NCKAP1: variants seen among roughly 807,000 people sequenced by gnomAD.
NCKAP1 encodes NCK associated protein 1.
NCKAP1 carries 21 observed loss-of-function variants against 151.2 expected under a neutral mutation model. That is an observed-to-expected ratio of 0.14 (90% CI 0.10 to 0.20). The LOEUF is 0.20. NCKAP1 is among the 10% of genes least tolerant of loss of function. NCKAP1 has a pLI of 1.00. For synonymous variants in NCKAP1, 484 were observed against 451.8 expected, an observed-to-expected ratio of 1.07 and a Z score of -0.90; for missense variants, 933 against 1,352.1, an observed-to-expected ratio of 0.69 and a Z score of 4.86.
intron 23 of NCKAP1, among the ~76,000 whole-genome samples, chr2:182,948,809 C>G (rs1286206888): frequency 6.6e-6 from 1 of 152,116 alleles, no homozygotes; most frequent in Non-Finnish European, 1.5e-5. Flanking sequence ...GCATAGCTAC[C>G]AAATGTGTTC....
At chr2:182,980,629 T>A (rs562074609) in intron 13 of NCKAP1, among the ~76,000 whole-genome samples, 55 of 152,112 alleles carry the variant, frequency 3.6e-4, no homozygotes, top group Non-Finnish European at 6.0e-4. Flanking sequence ...TAAAAACCAA[T>A]TAAGGAAAAA....
intron 3 of NCKAP1, 92 bp from the exon 4 acceptor site, chr2:183,003,122 T>C: frequency 7.6e-7 from 1 of 1,319,090 alleles, no homozygotes; most frequent in East Asian, 2.5e-5. Context: ...TAAACTTCAG[T>C]TCTGGAAGAA....
chr2:183,002,909 C>T (rs1698400832), intron 4 of NCKAP1, 65 bp downstream of exon 4: 1 of 1,185,102 alleles, frequency 8.4e-7, no homozygotes, highest in Non-Finnish European at 1.2e-6. Flanking sequence ...TAAAGAAAAG[C>T]AAGTGGTCCC....
Position 182,935,531 on chromosome 2 carries a change from G to A in NCKAP1, c.2696-156C>T, listed in dbSNP as rs183149358. On this transcript the variant is annotated intron_variant, in intron 24 of 30. Coordinates refer to ENST00000361354, the MANE Select transcript of NCKAP1 (RefSeq NM_013436.5). ...TTGATTACAATAATGATTAAAGAGA[G>A]AAAGATGTTGATAGCTGATATTTAA... The A allele has an allele frequency of 1.0e-4, 50 of 500,840 alleles. 1 individual carries two copies. In the Middle Eastern group the frequency reaches 2.6e-3, roughly 26 times the overall value. The allele number at this position is 500,840 out of a possible 1,614,324, so 31.0% of individuals were successfully genotyped here.
chr2:183,018,252 A>C (rs547665303), intron 2 of NCKAP1, among the ~76,000 whole-genome samples: 3 of 152,270 alleles, frequency 2.0e-5, no homozygotes, highest in Non-Finnish European at 4.4e-5. Flanking sequence ...GTCTCAAAAA[A>C]ACAAAACAAA....
At chr2:182,939,537 AAAAATAAAAATAGATAAAAT>A (rs1483147398) in intron 24 of NCKAP1, among the ~76,000 whole-genome samples, 5 of 152,248 alleles carry the variant, frequency 3.3e-5, no homozygotes, top group East Asian at 1.9e-4. Flanking sequence ...CAAAAAATTT[AAAAATAAAAATAGATAAAAT>A]AAAATAAAAA....
chr2:182,935,202 C>T (rs758898346), intron 25 of NCKAP1, 91 bp downstream of exon 25: 30 of 876,310 alleles, frequency 3.4e-5, no homozygotes, highest in Non-Finnish European at 5.1e-5. Flanking sequence ...TATATCATTG[C>T]TAAGCATGAA....
chr2:183,015,965 GA>G (rs2105887973), intron 2 of NCKAP1, among the ~76,000 whole-genome samples: 1 of 152,102 alleles, frequency 6.6e-6, no homozygotes, highest in South Asian at 2.1e-4. Flanking sequence ...AAAGGCTTGA[GA>G]GGGGAAGTAA....
At chr2:182,965,292 G>A (rs923942241) in intron 16 of NCKAP1, among the ~76,000 whole-genome samples, 6 of 149,102 alleles carry the variant, frequency 4.0e-5, no homozygotes, top group African/African-American at 1.2e-4. Context: ...AAAAAACATT[G>A]CCAATTAAAT....
chr2:183,030,990 G>C (rs1698994421), intron 1 of NCKAP1, among the ~76,000 whole-genome samples: 1 of 152,138 alleles, frequency 6.6e-6, no homozygotes, highest in Non-Finnish European at 1.5e-5. Context: ...AAAGAAAAGA[G>C]AGCAATCTAC....
At chr2:182,975,239 A>C (rs902508160) in intron 15 of NCKAP1, among the ~76,000 whole-genome samples, 1 of 152,200 alleles carries the variant, frequency 6.6e-6, no homozygotes, top group East Asian at 1.9e-4. Context: ...TTTATTTGTA[A>C]TAAGAAAATA....
chr2:182,927,046 TTAGA>T (rs1363674449), intron 29 of NCKAP1, 141 bp from the exon 30 acceptor site: 19 of 559,608 alleles, frequency 3.4e-5, no homozygotes, highest in South Asian at 9.6e-5. Context: ...TAAGATGAGC[TTAGA>T]TAGCCTACAT....
At chr2:183,035,845 A>G (rs1699091047) in intron 1 of NCKAP1, among the ~76,000 whole-genome samples, 1 of 152,182 alleles carries the variant, frequency 6.6e-6, no homozygotes, top group South Asian at 2.1e-4. Flanking sequence ...GAAGTAATTC[A>G]TTCATTTCAA....
At chr2:182,941,997 A>G in intron 24 of NCKAP1, 73 bp downstream of exon 24, 2 of 1,245,438 alleles carry the variant, frequency 1.6e-6, no homozygotes, top group Non-Finnish European at 2.3e-6. Context: ...TTATGTTACA[A>G]ATTTTGAGCC....
At chr2:182,957,123 A>C (rs1394710396) in intron 19 of NCKAP1, 1 of 189,370 alleles carries the variant, frequency 5.3e-6, no homozygotes, top group Non-Finnish European at 1.1e-5. Flanking sequence ...ATGCCAAAAT[A>C]AAGTCTCCAC....
At chr2:182,989,661 G>A (rs980584229) in intron 8 of NCKAP1, among the ~76,000 whole-genome samples, 7 of 152,172 alleles carry the variant, frequency 4.6e-5, no homozygotes, top group African/African-American at 9.6e-5. Context: ...GCAGTGAGTC[G>A]AGGTTGCGCC....
intron 8 of NCKAP1, among the ~76,000 whole-genome samples, chr2:182,990,620 A>C (rs770666133): frequency 7.2e-5 from 11 of 152,094 alleles, no homozygotes; most frequent in Non-Finnish European, 1.0e-4. Flanking sequence ...CTGAACATCT[A>C]CTCAGTGTCT....
chr2:183,034,541 A>C (rs964414888), intron 1 of NCKAP1, among the ~76,000 whole-genome samples: 4 of 152,178 alleles, frequency 2.6e-5, no homozygotes, highest in African/African-American at 9.6e-5. Context: ...AGAAGAGAGT[A>C]AACCACACAC....
At chr2:182,946,072 A>T (rs529549949) in intron 23 of NCKAP1, among the ~76,000 whole-genome samples, 1 of 152,232 alleles carries the variant, frequency 6.6e-6, no homozygotes, top group African/African-American at 2.4e-5. Context: ...AAAACCAAAC[A>T]CCTCACATTT....
Sources: allele counts gnomAD v4.1 joint callset (sites outside exome capture counted in the v4.1 genomes callset), GRCh38; gene constraint gnomAD v4.1.1; transcripts MANE v1.5; gene names NCBI Gene and HGNC (gene_info 2026-07-23, HGNC 2026-07-21).